The following ANGPT1 variants were observed in gnomAD, a reference collection of about 807,000 sequenced individuals.
ANGPT1 encodes the protein angiopoietin 1.
Under a neutral mutation model 62.2 loss-of-function variants are expected in ANGPT1, and 17 were observed. The observed-to-expected ratio is 0.27, with a 90% CI of 0.19 to 0.41. The LOEUF is 0.41. ANGPT1 is among the 10% of genes least tolerant of loss of function. The pLI, the probability that ANGPT1 is intolerant of heterozygous loss-of-function variation, is 1.00. For missense variants in ANGPT1, 478 were observed against 594.9 expected (o/e 0.80, Z 2.04); for synonymous variants, 199 against 198.9 (o/e 1.00, Z 0.00).
chr8:107,415,473 G>C (rs1810715469), intron 1 of ANGPT1, among the ~76,000 whole-genome samples: 1 of 152,098 alleles, frequency 6.6e-6, no homozygotes, highest in African/African-American at 2.4e-5. Context: ...GTCAAACCAA[G>C]TGTGTGAGTT....
intron 4 of ANGPT1, among the ~76,000 whole-genome samples, chr8:107,316,991 T>C (rs1367432287): frequency 6.6e-6 from 1 of 152,224 alleles, no homozygotes; most frequent in Non-Finnish European, 1.5e-5. Context: ...GGCTAACACG[T>C]GGAAAGCCTA....
chr8:107,410,536 T>G (rs370996363), intron 1 of ANGPT1, among the ~76,000 whole-genome samples: 3 of 152,190 alleles, frequency 2.0e-5, no homozygotes, highest in African/African-American at 7.2e-5. Flanking sequence ...CTAATTGTTT[T>G]GGTAGAGGAA....
chr8:107,313,384 T>C (rs1458516405), intron 4 of ANGPT1, among the ~76,000 whole-genome samples: 1 of 148,186 alleles, frequency 6.7e-6, no homozygotes, highest in Non-Finnish European at 1.5e-5. Flanking sequence ...CTTTGGTTGA[T>C]AATAAATTAT....
chr8:107,294,682 T>C (rs1195686269), intron 5 of ANGPT1: 2 of 152,222 alleles, frequency 1.3e-5, no homozygotes, highest in Admixed American at 6.5e-5. Context: ...CTCTTCTGAC[T>C]GTGACAATAA....
intron 1 of ANGPT1, among the ~76,000 whole-genome samples, chr8:107,353,887 T>A (rs552050035): frequency 1.3e-5 from 2 of 152,222 alleles, no homozygotes; most frequent in East Asian, 3.9e-4. Context: ...TTCTGCTTGA[T>A]AGGGAGATGC....
chr8:107,392,930 T>C (rs1243993318), intron 1 of ANGPT1, among the ~76,000 whole-genome samples: 1 of 152,216 alleles, frequency 6.6e-6, no homozygotes, highest in African/African-American at 2.4e-5. Flanking sequence ...GGTCTCTCTG[T>C]TTCATTCCAT....
At chr8:107,401,210 A>G (rs1206950556) in intron 1 of ANGPT1, among the ~76,000 whole-genome samples, 1 of 151,672 alleles carries the variant, frequency 6.6e-6, no homozygotes, top group East Asian at 1.9e-4. Context: ...CCATTTTTCT[A>G]CCGTTTAGCA....
intron 1 of ANGPT1, among the ~76,000 whole-genome samples, chr8:107,436,570 G>A (rs563151920): frequency 9.2e-5 from 14 of 152,092 alleles, no homozygotes; most frequent in Middle Eastern, 3.4e-3. Flanking sequence ...AACCTTCTGC[G>A]GATCTATTTA....
intron 1 of ANGPT1, among the ~76,000 whole-genome samples, chr8:107,444,920 G>A (rs902174517): frequency 2.0e-5 from 3 of 152,188 alleles, no homozygotes; most frequent in South Asian, 4.1e-4. Context: ...GAGAAATTCA[G>A]CATGGCAAAA....
rs139673649 is a variant in ANGPT1 at position 107,469,736 on chromosome 8, A to G, written c.297+27526T>C. Among the ~76,000 whole-genome samples the G allele has an allele frequency of 8.7e-3, 1,325 of 152,118 alleles. 10 individuals are homozygous for G. Among genetic ancestry groups the G allele is most frequent in the Middle Eastern group, 0.027 (8 of 294 alleles). The stretch of plus-strand genomic sequence containing the variant: ...TGTTTTTCCATCCCTACTTTATGCA[A>G]TTTTATCACTGCAATACATGCTTTT... On this transcript the variant is annotated intron_variant, in intron 1 of 8. Transcript: ENST00000517746.
intron 6 of ANGPT1, among the ~76,000 whole-genome samples, chr8:107,293,632 G>A (rs1405316985): frequency 6.6e-6 from 1 of 152,050 alleles, no homozygotes; most frequent in East Asian, 1.9e-4. Context: ...TCAGGCTCAC[G>A]TATCCAACGA....
At chr8:107,394,251 C>T (rs1816891328) in intron 1 of ANGPT1, among the ~76,000 whole-genome samples, 1 of 152,122 alleles carries the variant, frequency 6.6e-6, no homozygotes, top group South Asian at 2.1e-4. Flanking sequence ...TTGTCATTCC[C>T]ACTTTCTCTA....
At position 107,323,337 on chromosome 8, in the gene ANGPT1, G is replaced by A. The variant is rs118091975; in HGVS notation, c.576-1209C>T. ...GTTCAACCCGTCCTTAGTTTACAAG[G>A]TGTTATTAAAATGCCACATACCAGA... On this transcript the variant is annotated intron_variant, in intron 3 of 8. Coordinates refer to ENST00000517746, the MANE Select transcript of ANGPT1 (RefSeq NM_001146.5). Among the ~76,000 whole-genome samples the A allele has an allele frequency of 1.5e-3, 221 of 152,272 alleles. No individual in the cohort carries two copies. In the East Asian group the frequency reaches 0.035, roughly 24 times the overall value.
chr8:107,448,609 C>A (rs1307714197), intron 1 of ANGPT1, among the ~76,000 whole-genome samples: 1 of 152,068 alleles, frequency 6.6e-6, no homozygotes, highest in African/African-American at 2.4e-5. Context: ...ATAGGACTGG[C>A]AACCCAGGAA....
intron 2 of ANGPT1, among the ~76,000 whole-genome samples, chr8:107,344,495 T>C (rs17369077): frequency 0.011 from 1,724 of 152,308 alleles, 22 homozygotes; most frequent in Middle Eastern, 0.02. Flanking sequence ...TACTGGTATC[T>C]TTCCTGATCA....
chr8:107,393,318 G>T (rs891251154), intron 1 of ANGPT1, among the ~76,000 whole-genome samples: 2 of 152,120 alleles, frequency 1.3e-5, no homozygotes, highest in East Asian at 3.9e-4. Flanking sequence ...GACTGCAAAA[G>T]ATTTGGAGGG....
At chr8:107,270,195 T>G (rs1415500261) in intron 7 of ANGPT1, among the ~76,000 whole-genome samples, 1 of 152,072 alleles carries the variant, frequency 6.6e-6, no homozygotes, top group African/African-American at 2.4e-5. Flanking sequence ...CATTTTTGCA[T>G]CTTCACCATA....
At chr8:107,393,508 TA>T (rs1179931277) in intron 1 of ANGPT1, among the ~76,000 whole-genome samples, 3 of 152,138 alleles carry the variant, frequency 2.0e-5, no homozygotes, top group South Asian at 4.2e-4. Context: ...ATGATCTTTT[TA>T]AAAAAAATTA....
intron 1 of ANGPT1, among the ~76,000 whole-genome samples, chr8:107,453,241 A>G (rs780998509): frequency 1.3e-5 from 2 of 152,128 alleles, no homozygotes; most frequent in Non-Finnish European, 2.9e-5. Flanking sequence ...CTGACTAAAA[A>G]CAATTAAAGA....
Sources: gnomAD v4.1 joint callset for allele counts (sites outside exome capture counted in the v4.1 genomes callset) on GRCh38, gnomAD v4.1.1 for gene constraint, MANE v1.5 for transcripts, NCBI Gene and HGNC (gene_info 2026-07-23, HGNC 2026-07-21) for gene names.